The following PRDM16 variants were observed in gnomAD, a reference collection of about 807,000 sequenced individuals.
PRDM16 encodes the protein PR/SET domain 16, also known as histone-lysine N-methyltransferase PRDM16.
PRDM16 carries 23 observed loss-of-function variants against 110.6 expected under a neutral mutation model. The ratio of observed to expected loss-of-function variants is 0.21; its 90% confidence interval spans 0.15 to 0.29. The LOEUF (loss-of-function observed/expected upper bound fraction) is 0.29. PRDM16 is among the 10% of genes least tolerant of loss of function. The pLI, the probability that PRDM16 is intolerant of heterozygous loss-of-function variation, is 1.00. For synonymous variants in PRDM16, 799 were observed against 781.8 expected, an observed-to-expected ratio of 1.02 and a Z score of -0.37; for missense variants, 1,615 against 1,794.3, an observed-to-expected ratio of 0.90 and a Z score of 1.81.
chr1:3,270,917 C>T (rs1022440199), intron 3 of PRDM16, among the ~76,000 whole-genome samples: 5 of 151,780 alleles, frequency 3.3e-5, no homozygotes, highest in African/African-American at 1.2e-4. Flanking sequence ...CAGAGGAGGA[C>T]AGTGGGGGAG....
chr1:3,274,714 G>A (rs745933661), intron 3 of PRDM16, among the ~76,000 whole-genome samples: 1 of 152,230 alleles, frequency 6.6e-6, no homozygotes, highest in Non-Finnish European at 1.5e-5. Context: ...GCACAAAGTC[G>A]CTGGAGCTGA....
In PRDM16 at chr1:3,339,808, C is replaced by T. The variant is rs1642236139; in HGVS notation, c.439-45344C>T. Among the ~76,000 whole-genome samples the T allele has an allele frequency of 1.3e-5, 2 of 152,204 alleles. No homozygotes were observed. Among genetic ancestry groups the T allele is most frequent in the African/African-American group, 2.4e-5 (1 of 41,448 alleles). The stretch of plus-strand genomic sequence containing the variant: ...CCCAGCTGCTGGAATCCTCAGAGAG[C>T]CCCTGTCACTCAAAGGGAGGAAGAA... On this transcript the variant is annotated intron_variant, in intron 3 of 16. Transcript: ENST00000270722. This position sits in a 1 kb window ranked among gnomAD's most constrained non-coding sequence, Gnocchi z 5.0.
chr1:3,340,624 C>G (rs143096657), intron 3 of PRDM16, among the ~76,000 whole-genome samples: 1 of 152,178 alleles, frequency 6.6e-6, no homozygotes, highest in Non-Finnish European at 1.5e-5. Flanking sequence ...GAAATAGAGC[C>G]GGGACACTCA....
intron 1 of PRDM16, among the ~76,000 whole-genome samples, chr1:3,126,139 C>T (rs562485714): frequency 6.2e-4 from 94 of 152,332 alleles, no homozygotes; most frequent in Middle Eastern, 3.4e-3. Context: ...TCAATAAACG[C>T]GGGGAGAAAG....
chr1:3,096,244 T>C (rs917499001), intron 1 of PRDM16, among the ~76,000 whole-genome samples: 4 of 152,128 alleles, frequency 2.6e-5, no homozygotes, highest in African/African-American at 9.7e-5. Flanking sequence ...CTCCCTGAGT[T>C]CTCAAACCTC....
intron 1 of PRDM16, among the ~76,000 whole-genome samples, chr1:3,139,698 G>A (rs1643509317): frequency 6.6e-6 from 1 of 152,264 alleles, no homozygotes; most frequent in Non-Finnish European, 1.5e-5. Context: ...TGTGAGAGCT[G>A]TGGCCTGCTG....
chr1:3,288,047 G>T (rs1640897238), intron 3 of PRDM16, among the ~76,000 whole-genome samples: 1 of 152,240 alleles, frequency 6.6e-6, no homozygotes, highest in Admixed American at 6.5e-5. Flanking sequence ...GGCCATGGGG[G>T]CTACAAGGAG....
At chr1:3,264,541 G>A (rs1404102142) in intron 3 of PRDM16, among the ~76,000 whole-genome samples, 3 of 149,392 alleles carry the variant, frequency 2.0e-5, no homozygotes, top group Non-Finnish European at 4.5e-5. Flanking sequence ...GGCCAGGAGG[G>A]AGGCAGGGGA....
chr1:3,199,556 A>T (rs1005297611), intron 2 of PRDM16, among the ~76,000 whole-genome samples: 1 of 152,176 alleles, frequency 6.6e-6, no homozygotes, highest in African/African-American at 2.4e-5. Context: ...TGGGTCAGCC[A>T]AAGTCCCATT....
chr1:3,113,443 A>C (rs1349645801), intron 1 of PRDM16, among the ~76,000 whole-genome samples: 1 of 121,504 alleles, frequency 8.2e-6, no homozygotes, highest in Non-Finnish European at 1.6e-5. Context: ...TGCACTTACT[A>C]GGTGCTTAGC....
chr1:3,418,755 C>G lies in PRDM16; in HGVS notation c.2939+11C>G. 1 of 1,610,162 alleles carries G rather than the reference C, an allele frequency of 6.2e-7. No homozygotes were observed. The highest frequency in any genetic ancestry group is 8.5e-7 in the Non-Finnish European group (1 of 1,176,798). On this transcript the variant is annotated intron_variant, in intron 12 of 16. Coordinates refer to ENST00000270722, the MANE Select transcript of PRDM16 (RefSeq NM_022114.4). ...GGAGCAGCCGTACAGGTAGGTGCTGCGTGGGCTGGGTGTGGGGGCGGGGCC... is the reference window on the plus strand; with the variant it reads ...GGAGCAGCCGTACAGGTAGGTGCTGGGTGGGCTGGGTGTGGGGGCGGGGCC...
chr1:3,280,983 G>A (rs963713907), intron 3 of PRDM16, among the ~76,000 whole-genome samples: 2 of 152,236 alleles, frequency 1.3e-5, no homozygotes, highest in Non-Finnish European at 2.9e-5. Flanking sequence ...GCTGCCCAGC[G>A]AGGTTGGCTC....
chr1:3,387,430 GC>G (rs1643218517), intron 4 of PRDM16, among the ~76,000 whole-genome samples: 2 of 152,138 alleles, frequency 1.3e-5, no homozygotes, highest in Non-Finnish European at 2.9e-5. Context: ...CACCAAAATG[GC>G]CCAAAGCAGA....
chr1:3,114,314 C>T (rs866655956), intron 1 of PRDM16, among the ~76,000 whole-genome samples: 7 of 147,512 alleles, frequency 4.7e-5, no homozygotes, highest in East Asian at 2.1e-4. Context: ...CGCACACACA[C>T]GCACACACGC....
At chr1:3,199,608 GC>G (rs1638567255) in intron 2 of PRDM16, among the ~76,000 whole-genome samples, 2 of 152,180 alleles carry the variant, frequency 1.3e-5, no homozygotes, top group African/African-American at 4.8e-5. Flanking sequence ...AGCTAGGTTT[GC>G]ACTGGAGCTG....
At chr1:3,330,080 C>T (rs968422405) in intron 3 of PRDM16, among the ~76,000 whole-genome samples, 12 of 152,258 alleles carry the variant, frequency 7.9e-5, no homozygotes, top group Admixed American at 7.2e-4. Context: ...CAGCAGAGCC[C>T]TCCGCCAAGA....
rs1010919439 is a variant in PRDM16 at position 3,382,221 on chromosome 1, G to A, written c.439-2931G>A. Among the ~76,000 whole-genome samples, 1 of 152,208 alleles carries A rather than the reference G, an allele frequency of 6.6e-6. No individual in the cohort carries two copies. The highest frequency in any genetic ancestry group is 1.5e-5 in the Non-Finnish European group (1 of 68,026). ...AGGATGGGAAGCCTGCCTCCCTAGT[G>A]ACAACCAGCCGCTTGTGGCCTCCTC... is the stretch of plus-strand genomic sequence containing the variant. On this transcript the variant is annotated intron_variant, in intron 3 of 16. Coordinates refer to ENST00000270722, the MANE Select transcript of PRDM16 (RefSeq NM_022114.4). This position sits in a 1 kb window ranked among gnomAD's most constrained non-coding sequence, Gnocchi z 6.6.
At chr1:3,181,048 A>C (rs986248350) in intron 1 of PRDM16, among the ~76,000 whole-genome samples, 1 of 136,468 alleles carries the variant, frequency 7.3e-6, no homozygotes, top group Non-Finnish European at 1.6e-5. Context: ...TTACACACGC[A>C]GTCTTACACG....
intron 2 of PRDM16, among the ~76,000 whole-genome samples, chr1:3,242,846 C>G (rs553393969): frequency 6.6e-6 from 1 of 152,342 alleles, no homozygotes; most frequent in Non-Finnish European, 1.5e-5. Flanking sequence ...GTATCAGTTT[C>G]AATCTTGGTT....
Sources: gnomAD v4.1 joint callset for allele counts (sites outside exome capture counted in the v4.1 genomes callset) on GRCh38, gnomAD v4.1.1 for gene constraint, Gnocchi (gnomAD v3.1) non-coding constraint, MANE v1.5 for transcripts, NCBI Gene and HGNC (gene_info 2026-07-23, HGNC 2026-07-21) for gene names.